The following UPP2 variants were observed in gnomAD, a reference collection of about 807,000 sequenced individuals.
UPP2 encodes UPase 2.
In UPP2, 23 loss-of-function variants were observed where a neutral mutation model predicts 26.7. That is an observed-to-expected ratio of 0.86 (90% CI 0.62 to 1.22). The LOEUF (loss-of-function observed/expected upper bound fraction) is 1.22, where lower values mean the gene tolerates loss of function less well. Among genes scored for constraint, UPP2 ranks in the 50% most tolerant of loss-of-function variants. UPP2 has a pLI of 0.00. For missense variants in UPP2, 387 were observed against 396.7 expected (o/e 0.98, Z 0.21); for synonymous variants, 127 against 141.3 (o/e 0.90, Z 0.72).
At position 158,121,561 on chromosome 2, in the gene UPP2, ATCCCCAACT is replaced by A; in HGVS notation, c.612_620del (p.Asn205_Pro207del). ...AGAACTGTTCAACTGTAGCAAAGAAATCCCCAACTTCCCAACCCTCGTTGGACATACAAT... is the reference window on the plus strand; with the variant it reads ...AGAACTGTTCAACTGTAGCAAAGAAATCCCAACCCTCGTTGGACATACAAT... On this transcript the variant is annotated inframe_deletion, in exon 5 of 7. Transcript: ENST00000005756. 3.7e-6 allele frequency: 6 copies of A among 1,613,600 alleles called. 1 individual carries two copies. Among genetic ancestry groups the A allele is most frequent in the Non-Finnish European group, 5.1e-6 (6 of 1,179,540 alleles).
chr2:158,015,539 G>A (rs562012177), intron 2 of UPP2, among the ~76,000 whole-genome samples: 5 of 152,288 alleles, frequency 3.3e-5, no homozygotes, highest in Admixed American at 6.5e-5. Flanking sequence ...TAGTGCTGCT[G>A]TGAACATGGA....
Position 158,134,946 on chromosome 2 carries a change from T to C in UPP2, c.*56T>C. ...TGCAAGTTTGTAGCTCAAGTTGTAA[T>C]GTGAAAGTCATATTTTATTTGTGGC... On this transcript the variant is annotated 3_prime_UTR_variant, in exon 7 of 7. Coordinates refer to ENST00000005756, the MANE Select transcript of UPP2 (RefSeq NM_173355.4). 6.6e-7 allele frequency: 1 copy of C among 1,524,302 alleles called. No homozygotes were observed. The highest frequency in any genetic ancestry group is 1.3e-5 in the South Asian group (1 of 76,986). 94.4% of individuals were successfully genotyped at this position (1,524,302 alleles called of 1,614,324 possible). A position where few individuals can be genotyped will look rare whatever the true frequency, so the allele number is the denominator to read the frequency against.
intron 3 of UPP2, among the ~76,000 whole-genome samples, chr2:158,050,618 C>G (rs1282609850): frequency 1.3e-5 from 2 of 152,000 alleles, no homozygotes; most frequent in Non-Finnish European, 2.9e-5. Flanking sequence ...GATAACATAG[C>G]AAGACCCTGT....
chr2:158,008,473 T>C (rs1683527990), intron 2 of UPP2, among the ~76,000 whole-genome samples: 1 of 152,218 alleles, frequency 6.6e-6, no homozygotes, highest in Admixed American at 6.5e-5. Context: ...TTATTTGACT[T>C]AGGCTAACCT....
At chr2:158,051,814 C>T (rs115926465) in intron 3 of UPP2, among the ~76,000 whole-genome samples, 1 of 130,896 alleles carries the variant, frequency 7.6e-6, no homozygotes, top group African/African-American at 2.8e-5. Context: ...AACAAAACAA[C>T]TACACTTTGC....
intron 3 of UPP2, among the ~76,000 whole-genome samples, chr2:158,041,340 T>G (rs1190958754): frequency 6.6e-6 from 1 of 152,236 alleles, no homozygotes; most frequent in East Asian, 1.9e-4. Context: ...GAATTAAATG[T>G]TGATTTTTTG....
intron 2 of UPP2, among the ~76,000 whole-genome samples, chr2:158,012,423 A>G (rs1285352107): frequency 6.6e-6 from 1 of 151,654 alleles, no homozygotes; most frequent in African/African-American, 2.4e-5. Context: ...ACGTGCCACC[A>G]CACCTGGCTG....
chr2:158,071,961 G>A (rs1682549761), intron 3 of UPP2, among the ~76,000 whole-genome samples: 1 of 152,094 alleles, frequency 6.6e-6, no homozygotes, highest in South Asian at 2.1e-4. Flanking sequence ...AAAGTAAAAG[G>A]AACTTTGTCT....
upstream of UPP2, among the ~76,000 whole-genome samples, chr2:158,097,532 T>A (rs775185239): frequency 2.0e-5 from 3 of 152,208 alleles, no homozygotes; most frequent in Non-Finnish European, 4.4e-5. Context: ...TGTTTTGTAT[T>A]TCTAAATCTC....
chr2:158,034,538 A>G (rs1323553597), intron 3 of UPP2, among the ~76,000 whole-genome samples: 1 of 152,222 alleles, frequency 6.6e-6, no homozygotes, highest in African/African-American at 2.4e-5. Flanking sequence ...GAGATGTGAC[A>G]GACAGAGGGC....
chr2:158,010,161 C>A (rs1038898498), intron 2 of UPP2, among the ~76,000 whole-genome samples: 1 of 151,886 alleles, frequency 6.6e-6, no homozygotes, highest in Non-Finnish European at 1.5e-5. Context: ...TCATCGAAAG[C>A]GACAGAAGAA....
intron 3 of UPP2, among the ~76,000 whole-genome samples, chr2:158,033,972 T>C (rs1683963614): frequency 6.6e-6 from 1 of 152,216 alleles, no homozygotes; most frequent in Admixed American, 6.5e-5. Flanking sequence ...GGGTCACCTT[T>C]ACTTCCTTCA....
At chr2:158,103,765 C>T (rs1296117373) in intron 1 of UPP2, among the ~76,000 whole-genome samples, 1 of 152,184 alleles carries the variant, frequency 6.6e-6, no homozygotes, top group East Asian at 1.9e-4. Context: ...GGGGTAGAAT[C>T]TAAGACTTTG....
chr2:158,054,400 T>TTA (rs1682214669), intron 3 of UPP2, among the ~76,000 whole-genome samples: 1 of 151,434 alleles, frequency 6.6e-6, no homozygotes, highest in African/African-American at 2.4e-5. Flanking sequence ...TTTTTTTTTT[T>TTA]AAATCCTTGC....
Position 158,015,836 on chromosome 2 carries a change from G to GT in UPP2, c.98dup (p.Ser34LysfsTer34), listed in dbSNP as rs367544873. On this transcript the variant is annotated frameshift_variant, in exon 3 of 10. Coordinates refer to the UPP2 transcript ENST00000605860. LOFTEE classifies it high-confidence loss of function. Reference sequence around the variant, plus strand: ...TTCCCCTTCAACTTCCACCATGATTGTAAGTGTCCTGAGGCCTCCCAGCCA... The same window carrying GT: ...TTCCCCTTCAACTTCCACCATGATTGTTAAGTGTCCTGAGGCCTCCCAGCCA... The GT allele has an allele frequency of 4.2e-5, 19 of 453,318 alleles. No homozygotes were observed. The highest frequency in any genetic ancestry group is 7.1e-5 in the Non-Finnish European group (16 of 226,616). 28.1% of individuals were successfully genotyped at this position (453,318 alleles called of 1,614,324 possible).
intron 3 of UPP2, 126 bp downstream of exon 3, chr2:158,115,385 G>A: frequency 1.7e-6 from 2 of 1,203,650 alleles, no homozygotes; most frequent in South Asian, 2.1e-5. Flanking sequence ...AGGTGTCCAG[G>A]TATGAGTTCA....
chr2:158,091,935 T>C (rs114568357), intron 3 of UPP2, among the ~76,000 whole-genome samples: 3,568 of 152,238 alleles, frequency 0.023, 65 homozygotes, highest in Non-Finnish European at 0.033. Flanking sequence ...AGGCATTGCA[T>C]AGTTATATGG....
At chr2:158,090,318 G>A (rs367934122) in intron 3 of UPP2, among the ~76,000 whole-genome samples, 1 of 152,056 alleles carries the variant, frequency 6.6e-6, no homozygotes, top group Non-Finnish European at 1.5e-5. Flanking sequence ...TGGCTAACAC[G>A]GTGAAACCCT....
In UPP2 at chr2:158,053,071, G is replaced by A. The variant is rs1018802951; in HGVS notation, c.147+37185G>A. Among the ~76,000 whole-genome samples the A allele has an allele frequency of 6.6e-5, 10 of 152,230 alleles. No individual in the cohort carries two copies. In the South Asian group the frequency reaches 8.3e-4, roughly 13 times the overall value. On this transcript the variant is annotated intron_variant, in intron 3 of 9. Coordinates refer to the UPP2 transcript ENST00000605860. ...GAAGAAAGGAGGTGCCCCTGGAACC[G>A]GTAGATAAGCTGGAGCACCTTTCTA...
Sources: gnomAD v4.1 joint callset for allele counts (sites outside exome capture counted in the v4.1 genomes callset) on GRCh38, gnomAD v4.1.1 for gene constraint, MANE v1.5 for transcripts, NCBI Gene and HGNC (gene_info 2026-07-23, HGNC 2026-07-21) for gene names.